The following SPTBN1 variants were observed in gnomAD, a reference collection of about 807,000 sequenced individuals.
SPTBN1 encodes the protein spectrin beta chain, non-erythrocytic 1.
Under a neutral mutation model 266.4 loss-of-function variants are expected in SPTBN1, and 32 were observed. The observed-to-expected ratio is 0.12, with a 90% confidence interval of 0.09 to 0.16. SPTBN1 has a LOEUF of 0.16. Ranked by LOEUF, SPTBN1 falls within the 10% of genes least tolerant of loss-of-function variation. The pLI is 1.00. For synonymous variants in SPTBN1, 1,336 were observed against 1,162.2 expected (o/e 1.15, Z -3.04); for missense variants, 2,296 against 3,067.1 (o/e 0.75, Z 5.94).
At chr2:54,526,151 C>CT (rs1670801259) in intron 1 of SPTBN1, among the ~76,000 whole-genome samples, 1 of 152,218 alleles carries the variant, frequency 6.6e-6, no homozygotes. Context: ...TATCTTCCCT[C>CT]TTTAATGGTT....
At chr2:54,621,310 G>C (rs770433487) in intron 7 of SPTBN1, 90 bp from the exon 8 acceptor site, 315 of 875,470 alleles carry the variant, frequency 3.6e-4, no homozygotes, top group Non-Finnish European at 5.4e-4. Flanking sequence ...ACTGTTCCAT[G>C]TTGACCAGCA....
rs546905759 is a variant in SPTBN1 at position 54,526,595 on chromosome 2, C to T, written c.148+29C>T. 6.3e-6 allele frequency: 10 copies of T among 1,596,842 alleles called. No homozygotes were observed. The African/African-American group carries it at 1.1e-4, about 17-fold the overall frequency. ...AGTCCTTCACACCTGTCACAGAGGC[C>T]CAGGATGCCTAAAATCAGGATGCCC... On this transcript the variant is annotated intron_variant, in intron 2 of 35. Coordinates refer to ENST00000356805, the MANE Select transcript of SPTBN1 (RefSeq NM_003128.3).
chr2:54,606,673 G>A lies in SPTBN1; in HGVS notation c.301-5488G>A, dbSNP rs137857773. ...GCATGAGAAATGATAGCTGATCCAG[G>A]AGACAAAAGGAAAAACTTAAAGAGC... On this transcript the variant is annotated intron_variant, in intron 3 of 35. Coordinates refer to ENST00000356805, the MANE Select transcript of SPTBN1 (RefSeq NM_003128.3). 1.1e-3 allele frequency among the ~76,000 whole-genome samples: 167 copies of A among 152,298 alleles called. 1 individual carries two copies. Among genetic ancestry groups the A allele is most frequent in the Middle Eastern group, 6.8e-3 (2 of 294 alleles).
At chr2:54,530,388 T>A (rs1209467215) in intron 2 of SPTBN1, among the ~76,000 whole-genome samples, 1 of 110,876 alleles carries the variant, frequency 9.0e-6, no homozygotes, top group Non-Finnish European at 1.8e-5. Context: ...AGACGGAGTC[T>A]TGCTCTGTCG....
At chr2:54,484,977 C>T (rs561305285) in intron 1 of SPTBN1, among the ~76,000 whole-genome samples, 255 of 151,998 alleles carry the variant, frequency 1.7e-3, no homozygotes, top group Admixed American at 4.5e-3. Context: ...CATTATCAAA[C>T]CTAAAAAATG....
chr2:54,599,049 A>G, intron 2 of SPTBN1, 43 bp from the exon 3 acceptor site: 1 of 1,604,482 alleles, frequency 6.2e-7, no homozygotes, highest in Non-Finnish European at 8.5e-7. Context: ...TGCTCCTGCC[A>G]GTTCTGTGGT....
chr2:54,660,580 A>C (rs1168319951), intron 32 of SPTBN1: 4 of 985,560 alleles, frequency 4.1e-6, no homozygotes, highest in Non-Finnish European at 4.8e-6. Context: ...ATTCCATGAA[A>C]GATGCATTCA....
Position 54,606,134 on chromosome 2 carries a change from C to T in SPTBN1, c.301-6027C>T, listed in dbSNP as rs1031019937. Reference sequence around the variant, plus strand: ...ATTCTGAGAGGACCACTTTTTCTACCGCATTCATTTGAATGTAAGTCAGAC... The same window carrying T: ...ATTCTGAGAGGACCACTTTTTCTACTGCATTCATTTGAATGTAAGTCAGAC... On this transcript the variant is annotated intron_variant, in intron 3 of 35. Transcript: ENST00000356805. 1.1e-4 allele frequency among the ~76,000 whole-genome samples: 17 copies of T among 152,244 alleles called. No individual in the cohort carries two copies. The South Asian group carries it at 3.5e-3, about 32-fold the overall frequency.
At position 54,615,113 on chromosome 2, in the gene SPTBN1, C is replaced by G. The variant is rs190482568; in HGVS notation, c.475-1094C>G. 7.9e-5 allele frequency among the ~76,000 whole-genome samples: 11 copies of G among 139,246 alleles called. No homozygotes were observed. The Admixed American group carries it at 8.1e-4, about 10-fold the overall frequency. 91.4% of individuals were successfully genotyped at this position (139,246 alleles called of 152,430 possible). ...TTTATACAGACTCAGGCTTCACCTT[C>G]TTAACACAATTAAAAATAGAGAATT... is the stretch of plus-strand genomic sequence containing the variant. On this transcript the variant is annotated intron_variant, in intron 4 of 35. Transcript: ENST00000356805.
intron 1 of SPTBN1, among the ~76,000 whole-genome samples, chr2:54,518,186 A>C (rs1207638516): frequency 2.0e-5 from 3 of 152,066 alleles, no homozygotes; most frequent in African/African-American, 7.2e-5. Context: ...GAGTAATAAT[A>C]GGTCAGACAG....
chr2:54,501,759 C>T (rs1006705521), intron 1 of SPTBN1, among the ~76,000 whole-genome samples: 1 of 152,126 alleles, frequency 6.6e-6, no homozygotes, highest in African/African-American at 2.4e-5. Flanking sequence ...GGCACTGCAC[C>T]GGAGAGTTAC....
At chr2:54,534,062 A>T (rs1030372457) in intron 2 of SPTBN1, among the ~76,000 whole-genome samples, 2 of 152,184 alleles carry the variant, frequency 1.3e-5, no homozygotes, top group African/African-American at 4.8e-5. Context: ...CCACTGCAGC[A>T]AAATTGAAGA....
chr2:54,481,399 T>A (rs1404870197), intron 1 of SPTBN1, among the ~76,000 whole-genome samples: 539 of 50,500 alleles, frequency 0.011, 7 homozygotes, highest in African/African-American at 0.057. Context: ...TGAGTGTGTG[T>A]GTGTGTGTGT....
intron 18 of SPTBN1, among the ~76,000 whole-genome samples, chr2:54,641,545 G>A (rs566583166): frequency 2.8e-4 from 43 of 152,290 alleles, no homozygotes; most frequent in Admixed American, 1.2e-3. Context: ...TAGGAAGTGC[G>A]TGCCTTTATT....
At position 54,670,189 on chromosome 2, in the gene SPTBN1, T is replaced by A. The variant is rs1221612749; in HGVS notation, c.*1620T>A. The A allele has an allele frequency of 6.6e-6, 1 of 151,936 alleles. No homozygotes were observed. The highest frequency in any genetic ancestry group is 2.4e-5 in the African/African-American group (1 of 41,226). 9.4% of individuals were successfully genotyped at this position (151,936 alleles called of 1,614,324 possible). On this transcript the variant is annotated 3_prime_UTR_variant, in exon 36 of 36. Coordinates refer to ENST00000356805, the MANE Select transcript of SPTBN1 (RefSeq NM_003128.3). The stretch of plus-strand genomic sequence containing the variant: ...ATTTCAAAATGTAAAGTCTATTTTA[T>A]ACAGATCAGACCAAAAAGAAGAAAA...
chr2:54,632,614 G>A lies in SPTBN1; in HGVS notation c.3613G>A (p.Glu1205Lys), dbSNP rs754747920. Residue 1205 changes from glutamate to lysine, a missense_variant, in exon 17 of 36, where the codon GAA (glutamate) becomes AAA (lysine). Physicochemically the swap from Glu to Lys is moderately conservative, Grantham distance 56. Around this residue, in one of 12 missense-constraint regions of SPTBN1, gnomAD observed 386 missense variants for 486.1 expected, o/e 0.79. Transcript: ENST00000356805. Reference protein sequence around the residue: ...TEMPTTLEGAEAAIKKQEDFM... With the variant: ...TEMPTTLEGAKAAIKKQEDFM... ...AATGCCTACCACCTTGGAAGGAGCT[G>A]AAGCAGCAATTAAAAAGCAAGAGGA... 6.2e-7 allele frequency: 1 copy of A among 1,614,220 alleles called. No homozygotes were observed. Among genetic ancestry groups the A allele is most frequent in the Non-Finnish European group, 8.5e-7 (1 of 1,180,042 alleles).
rs368634643 is a variant in SPTBN1 at position 54,608,543 on chromosome 2, A to T, written c.301-3618A>T. On this transcript the variant is annotated intron_variant, in intron 3 of 35. Transcript: ENST00000356805. ...TGCATCCTCCTGGCATCTTTATGAGATGGTGACATCAGCTCCAGGTGCAGC... is the reference window on the plus strand; with the variant it reads ...TGCATCCTCCTGGCATCTTTATGAGTTGGTGACATCAGCTCCAGGTGCAGC... Among the ~76,000 whole-genome samples the T allele has an allele frequency of 3.9e-5, 6 of 152,044 alleles. No individual in the cohort carries two copies. The East Asian group carries it at 1.2e-3, about 29-fold the overall frequency.
At chr2:54,541,334 C>G (rs1239597483) in intron 2 of SPTBN1, among the ~76,000 whole-genome samples, 3 of 152,196 alleles carry the variant, frequency 2.0e-5, no homozygotes, top group Non-Finnish European at 2.9e-5. Flanking sequence ...CTCATTGTCT[C>G]CAAGCATTTG....
chr2:54,459,335 C>G (rs1049614564), intron 1 of SPTBN1, among the ~76,000 whole-genome samples: 1 of 152,202 alleles, frequency 6.6e-6, no homozygotes, highest in Non-Finnish European at 1.5e-5. Context: ...TGTTGCAGAG[C>G]AAATGAGAAG....
Sources: gnomAD v4.1 joint callset for allele counts (sites outside exome capture counted in the v4.1 genomes callset) on GRCh38, gnomAD v4.1.1 for gene constraint, gnomAD v4.1.1 regional missense constraint, MANE v1.5 for transcripts, NCBI Gene and HGNC (gene_info 2026-07-23, HGNC 2026-07-21) for gene names.